CUX2: variants seen among roughly 807,000 people sequenced by gnomAD.
The protein encoded by CUX2 is cut like homeobox 2, also known as homeobox protein cut-like 2.
CUX2 carries 40 observed loss-of-function variants against 144.8 expected under a neutral mutation model. The observed-to-expected ratio is 0.28, with a 90% confidence interval of 0.21 to 0.36. The LOEUF (loss-of-function observed/expected upper bound fraction) is 0.36, where lower values mean the gene tolerates loss of function less well. CUX2 is among the 10% of genes least tolerant of loss of function. The pLI is 1.00. For missense variants in CUX2, 1,615 were observed against 1,994.0 expected (o/e 0.81, Z 3.62); for synonymous variants, 827 against 875.6 (o/e 0.94, Z 0.98).
intron 1 of CUX2, among the ~76,000 whole-genome samples, chr12:111,161,223 C>A (rs1163004159): frequency 6.6e-6 from 1 of 152,140 alleles, no homozygotes; most frequent in Non-Finnish European, 1.5e-5. Flanking sequence ...AGCCCCTGGG[C>A]TCTGATGGGC....
chr12:111,338,201 T>C (rs1888437708), intron 19 of CUX2, 85 bp from the exon 20 acceptor site: 14 of 1,402,348 alleles, frequency 1.0e-5, no homozygotes, highest in Middle Eastern at 2.6e-4. Flanking sequence ...CTCCCCTGTG[T>C]CTCTGGCCTA....
At chr12:111,148,373 T>C (rs968362207) in intron 1 of CUX2, among the ~76,000 whole-genome samples, 1 of 116,884 alleles carries the variant, frequency 8.6e-6, no homozygotes, top group Non-Finnish European at 1.8e-5. Flanking sequence ...CTGGGGCGGG[T>C]GGCGGGGAAG....
At chr12:111,112,775 TG>T (rs570310447) in intron 1 of CUX2, among the ~76,000 whole-genome samples, 29 of 152,204 alleles carry the variant, frequency 1.9e-4, no homozygotes, top group Non-Finnish European at 3.4e-4. Context: ...GCTGGACAAA[TG>T]TCCCTTGCTT....
At chr12:111,309,964 T>C in intron 14 of CUX2, 77 bp from the exon 15 acceptor site, 1 of 1,231,584 alleles carries the variant, frequency 8.1e-7, no homozygotes. Flanking sequence ...CCTCTGGTTC[T>C]TTTTCTCCCT....
intron 18 of CUX2, among the ~76,000 whole-genome samples, chr12:111,324,375 GAA>G (rs376845410): frequency 1.9e-3 from 262 of 137,374 alleles, no homozygotes; most frequent in African/African-American, 7.2e-3. Context: ...AAGAAAGAAA[GAA>G]ATGCATAAGG....
chr12:111,202,749 C>T (rs774040227), intron 1 of CUX2, among the ~76,000 whole-genome samples: 12 of 151,912 alleles, frequency 7.9e-5, no homozygotes, highest in Non-Finnish European at 1.6e-4. Flanking sequence ...AATGTGTCAA[C>T]GGCAAGGGCT....
chr12:111,084,723 G>A (rs1872098757), intron 1 of CUX2, among the ~76,000 whole-genome samples: 1 of 152,220 alleles, frequency 6.6e-6, no homozygotes, highest in Non-Finnish European at 1.5e-5. Flanking sequence ...TATTTTAAAA[G>A]CAAAATGGTA....
chr12:111,066,053 T>A (rs1871006694), intron 1 of CUX2, among the ~76,000 whole-genome samples: 1 of 152,232 alleles, frequency 6.6e-6, no homozygotes, highest in African/African-American at 2.4e-5. Flanking sequence ...CATGTCTTCT[T>A]CCAGTGTTAG....
chr12:111,049,070 C>G (rs926712720), intron 1 of CUX2, among the ~76,000 whole-genome samples: 2 of 152,122 alleles, frequency 1.3e-5, no homozygotes, highest in Non-Finnish European at 2.9e-5. Context: ...TTCCCCATTT[C>G]TTACTGATCT....
At chr12:111,126,191 C>A (rs538093138) in intron 1 of CUX2, among the ~76,000 whole-genome samples, 5 of 151,828 alleles carry the variant, frequency 3.3e-5, no homozygotes, top group Non-Finnish European at 7.4e-5. Flanking sequence ...TCACTGCAAC[C>A]TCTGCCTCTC....
At chr12:111,279,817 A>G (rs1309624507) in intron 4 of CUX2, among the ~76,000 whole-genome samples, 1 of 152,130 alleles carries the variant, frequency 6.6e-6, no homozygotes, top group Non-Finnish European at 1.5e-5. Context: ...CCCCTTCTCT[A>G]TTAAAGATAC....
chr12:111,088,613 A>T (rs1297518734), intron 1 of CUX2, among the ~76,000 whole-genome samples: 3 of 152,224 alleles, frequency 2.0e-5, no homozygotes, highest in Non-Finnish European at 2.9e-5. Context: ...TGTGGAGTAG[A>T]TGGAGATGAT....
chr12:111,142,422 T>G (rs1876384036), intron 1 of CUX2, among the ~76,000 whole-genome samples: 1 of 150,652 alleles, frequency 6.6e-6, no homozygotes, highest in Non-Finnish European at 1.5e-5. Context: ...TTGAACATTA[T>G]AAATGGGAAT....
rs373570433 is a variant in CUX2 at position 111,192,462 on chromosome 12, C to G, written c.64-21738C>G. On this transcript the variant is annotated intron_variant, in intron 1 of 21. Coordinates refer to ENST00000261726, the MANE Select transcript of CUX2 (RefSeq NM_015267.4). Reference sequence around the variant, plus strand: ...GGGATTTGAACCCAGCCCTGCTCCTCCAGCCCTTTCTTTTCCCCGAGAACT... The same window carrying G: ...GGGATTTGAACCCAGCCCTGCTCCTGCAGCCCTTTCTTTTCCCCGAGAACT... Among the ~76,000 whole-genome samples the G allele has an allele frequency of 7.2e-5, 11 of 151,972 alleles. No homozygotes were observed. In the East Asian group the frequency reaches 2.1e-3, roughly 29 times the overall value.
intron 1 of CUX2, among the ~76,000 whole-genome samples, chr12:111,140,583 TG>T: frequency 6.6e-6 from 1 of 152,220 alleles, no homozygotes; most frequent in Admixed American, 6.5e-5. Context: ...ATCCACTAGA[TG>T]TTCTCCATTT....
chr12:111,177,985 G>C (rs1032652883), intron 1 of CUX2, among the ~76,000 whole-genome samples: 14 of 152,218 alleles, frequency 9.2e-5, no homozygotes, highest in African/African-American at 2.9e-4. Flanking sequence ...AGCTGTCATT[G>C]TTTGTTCTTA....
Position 111,277,210 on chromosome 12 carries a change from G to A in CUX2, c.301+13371G>A, listed in dbSNP as rs1414434636. Among the ~76,000 whole-genome samples, 1 of 151,994 alleles carries A rather than the reference G, an allele frequency of 6.6e-6. No homozygotes were observed. The highest frequency in any genetic ancestry group is 2.4e-5 in the African/African-American group (1 of 41,372). The stretch of plus-strand genomic sequence containing the variant: ...CACTCTGAACCCAGCTGCCACCCTC[G>A]GCCATAGCACCCCGCCCTCCCAGCC... On this transcript the variant is annotated intron_variant, in intron 4 of 21. Coordinates refer to ENST00000261726, the MANE Select transcript of CUX2 (RefSeq NM_015267.4). This position sits in a 1 kb window ranked among gnomAD's most constrained non-coding sequence, Gnocchi z 5.0.
At chr12:111,177,743 T>C (rs1169174823) in intron 1 of CUX2, among the ~76,000 whole-genome samples, 2 of 152,170 alleles carry the variant, frequency 1.3e-5, no homozygotes, top group Non-Finnish European at 2.9e-5. Context: ...TAACTTTTCA[T>C]GGAATGGAAG....
intron 2 of CUX2, among the ~76,000 whole-genome samples, chr12:111,214,909 C>A (rs1171760999): frequency 2.0e-5 from 3 of 152,172 alleles, no homozygotes; most frequent in Non-Finnish European, 4.4e-5. Context: ...AGACAAGTTT[C>A]TGTTATTTAC....
Sources: allele counts gnomAD v4.1 joint callset (sites outside exome capture counted in the v4.1 genomes callset), GRCh38; gene constraint gnomAD v4.1.1; non-coding constraint Gnocchi (gnomAD v3.1); transcripts MANE v1.5; gene names NCBI Gene and HGNC (gene_info 2026-07-23, HGNC 2026-07-21).